SLC8A1: variants seen among roughly 807,000 people sequenced by gnomAD.
The protein encoded by SLC8A1 is solute carrier family 8 member A1.
In SLC8A1, 18 loss-of-function variants were observed where a neutral mutation model predicts 68.3. The ratio of observed to expected loss-of-function variants is 0.26; its 90% CI spans 0.18 to 0.39. The LOEUF is 0.39. SLC8A1 is among the 10% of genes least tolerant of loss of function. SLC8A1 has a pLI of 1.00. For missense variants in SLC8A1, 985 were observed against 1,156.7 expected (o/e 0.85, Z 2.15); for synonymous variants, 475 against 415.5 (o/e 1.14, Z -1.74).
intron 1 of SLC8A1, among the ~76,000 whole-genome samples, chr2:40,441,157 T>C (rs1700405998): frequency 1.3e-5 from 2 of 152,094 alleles, no homozygotes; most frequent in African/African-American, 4.8e-5. Flanking sequence ...AGCCAAATCA[T>C]GAATGAATTT....
At chr2:40,454,099 C>G (rs945278375), upstream of SLC8A1, among the ~76,000 whole-genome samples, 1 of 152,070 alleles carries the variant, frequency 6.6e-6, no homozygotes, top group African/African-American at 2.4e-5. Flanking sequence ...ATGTCCTCTA[C>G]CAAAAATTAC....
intron 2 of SLC8A1, among the ~76,000 whole-genome samples, chr2:40,349,258 T>G (rs1339931791): frequency 6.6e-6 from 1 of 152,162 alleles, no homozygotes; most frequent in Non-Finnish European, 1.5e-5. Context: ...TAATCAAATT[T>G]GTAGTCTCAT....
At chr2:40,441,535 T>C (rs191350670) in intron 1 of SLC8A1, among the ~76,000 whole-genome samples, 37 of 152,026 alleles carry the variant, frequency 2.4e-4, no homozygotes, top group Non-Finnish European at 4.1e-4. Flanking sequence ...ACTACAGTAA[T>C]CAAAACAGTA....
Position 40,340,792 on chromosome 2 carries a change from C to T in SLC8A1, c.1808+87681G>A, listed in dbSNP as rs191810817. Among the ~76,000 whole-genome samples, 5 of 152,118 alleles carry T rather than the reference C, an allele frequency of 3.3e-5. No homozygotes were observed. In the South Asian group the frequency reaches 8.3e-4, roughly 25 times the overall value. Reference sequence around the variant, plus strand: ...GAGAGTAAGGAAAACGGAAATTCATCATGCAGGTAAGCCTTAGAGGCCTGA... The same window carrying T: ...GAGAGTAAGGAAAACGGAAATTCATTATGCAGGTAAGCCTTAGAGGCCTGA... On this transcript the variant is annotated intron_variant, in intron 2 of 7. Transcript: ENST00000406785.
intron 6 of SLC8A1, among the ~76,000 whole-genome samples, chr2:40,141,756 G>C (rs1228586940): frequency 6.6e-6 from 1 of 152,128 alleles, no homozygotes; most frequent in Non-Finnish European, 1.5e-5. Flanking sequence ...TTTGGAAATA[G>C]GGCCTTTAAA....
rs114862583 is a variant in SLC8A1, at chr2:40,371,641, G to T, written c.1808+56832C>A. Among the ~76,000 whole-genome samples, 409 of 152,232 alleles carry T rather than the reference G, an allele frequency of 2.7e-3. 2 individuals carry two copies. The highest frequency in any genetic ancestry group is 9.5e-3 in the African/African-American group (396 of 41,562). The stretch of plus-strand genomic sequence containing the variant: ...AATAAATCCTAGCTCTTGCTATTAT[G>T]AGATTTTATCTGATTTTGGAGATAG... On this transcript the variant is annotated intron_variant, in intron 2 of 7. Transcript: ENST00000406785.
At chr2:40,336,657 T>C (rs1184850262) in intron 2 of SLC8A1, among the ~76,000 whole-genome samples, 1 of 152,246 alleles carries the variant, frequency 6.6e-6, no homozygotes, top group African/African-American at 2.4e-5. Context: ...ATCATAGATA[T>C]AGACTGTTAA....
At chr2:40,341,293 T>C (rs1416689600) in intron 2 of SLC8A1, among the ~76,000 whole-genome samples, 1 of 152,156 alleles carries the variant, frequency 6.6e-6, no homozygotes, top group Non-Finnish European at 1.5e-5. Context: ...ATGTCTCAAA[T>C]TTGGATAAGT....
intron 2 of SLC8A1, among the ~76,000 whole-genome samples, chr2:40,188,602 T>G (rs1408003143): frequency 6.6e-6 from 1 of 152,246 alleles, no homozygotes; most frequent in Non-Finnish European, 1.5e-5. Context: ...CGTTTCTTTT[T>G]TCAAAGTAAA....
At chr2:40,410,340 G>C (rs553780755) in intron 2 of SLC8A1, among the ~76,000 whole-genome samples, 1 of 152,016 alleles carries the variant, frequency 6.6e-6, no homozygotes, top group Non-Finnish European at 1.5e-5. Context: ...AACATCCAGC[G>C]CTAGGGATCA....
At chr2:40,240,263 C>T (rs1298867243) in intron 2 of SLC8A1, among the ~76,000 whole-genome samples, 1 of 152,190 alleles carries the variant, frequency 6.6e-6, no homozygotes, top group Non-Finnish European at 1.5e-5. Flanking sequence ...AGGCTCTGTG[C>T]CAAGTCAAGT....
intron 2 of SLC8A1, among the ~76,000 whole-genome samples, chr2:40,229,566 A>G (rs527560874): frequency 2.6e-5 from 4 of 152,310 alleles, no homozygotes; most frequent in African/African-American, 9.6e-5. Context: ...AGACTCTCCA[A>G]TGGCAAATCT....
intron 2 of SLC8A1, among the ~76,000 whole-genome samples, chr2:40,272,188 C>T (rs2066128407): frequency 6.6e-6 from 1 of 152,140 alleles, no homozygotes; most frequent in South Asian, 2.1e-4. Flanking sequence ...TTTTAATTCC[C>T]AATTCCATCT....
intron 2 of SLC8A1, among the ~76,000 whole-genome samples, chr2:40,205,556 C>A (rs1261833602): frequency 6.6e-6 from 1 of 151,942 alleles, no homozygotes; most frequent in Non-Finnish European, 1.5e-5. Flanking sequence ...AACAGAAAAC[C>A]AAACACCGCA....
At chr2:40,129,939 C>T (rs1190854868) in intron 7 of SLC8A1, among the ~76,000 whole-genome samples, 1 of 152,130 alleles carries the variant, frequency 6.6e-6, no homozygotes, top group Non-Finnish European at 1.5e-5. Flanking sequence ...CTCTGCAGGA[C>T]TTCAGATTGG....
At chr2:40,422,286 G>A (rs1307479517) in intron 2 of SLC8A1, among the ~76,000 whole-genome samples, 1 of 152,062 alleles carries the variant, frequency 6.6e-6, no homozygotes, top group African/African-American at 2.4e-5. Context: ...ATCTCCAATG[G>A]TCAGATTTCA....
chr2:40,428,576 T>C (rs1331992159), exon 2 of SLC8A1: 1 of 1,613,718 alleles, frequency 6.2e-7, no homozygotes, highest in Non-Finnish European at 8.5e-7. Context: ...ACGATAACAT[T>C]TCCTCGAGCT....
intron 6 of SLC8A1, among the ~76,000 whole-genome samples, chr2:40,145,471 A>T (rs1305608627): frequency 6.6e-6 from 1 of 152,202 alleles, no homozygotes; most frequent in East Asian, 1.9e-4. Flanking sequence ...GCTGCTGTTC[A>T]TCTGCGGATG....
intron 2 of SLC8A1, among the ~76,000 whole-genome samples, chr2:40,211,231 T>C (rs546488528): frequency 1.3e-5 from 2 of 152,242 alleles, no homozygotes; most frequent in Non-Finnish European, 2.9e-5. Context: ...CTGAAACTCA[T>C]GTACGTTGGC....
Sources: gnomAD v4.1 joint callset for allele counts (sites outside exome capture counted in the v4.1 genomes callset) on GRCh38, gnomAD v4.1.1 for gene constraint, MANE v1.5 for transcripts, NCBI Gene and HGNC (gene_info 2026-07-23, HGNC 2026-07-21) for gene names.